The following PPFIA2 variants were observed in gnomAD, a reference collection of about 807,000 sequenced individuals.
PPFIA2 encodes the protein liprin-alpha-2.
A neutral mutation model predicts 175.5 loss-of-function variants in PPFIA2; 46 were observed. The observed-to-expected ratio is 0.26, with a 90% CI of 0.21 to 0.34. PPFIA2 has a LOEUF of 0.34. Ranked by LOEUF, PPFIA2 falls within the 10% of genes least tolerant of loss-of-function variation. The pLI is 1.00. For synonymous variants in PPFIA2, 568 were observed against 511.4 expected (o/e 1.11, Z -1.49); for missense variants, 1,179 against 1,506.1 (o/e 0.78, Z 3.60).
chr12:81,452,268 T>C (rs982877801), intron 5 of PPFIA2, among the ~76,000 whole-genome samples: 1 of 152,222 alleles, frequency 6.6e-6, no homozygotes, highest in South Asian at 2.1e-4. Flanking sequence ...CTATTAGATC[T>C]TAATTCAACA....
At chr12:81,360,062 T>C (rs1055806031) in intron 15 of PPFIA2, among the ~76,000 whole-genome samples, 4 of 151,924 alleles carry the variant, frequency 2.6e-5, no homozygotes, top group Non-Finnish European at 5.9e-5. Context: ...TCAACACATG[T>C]GGTTAACAGT....
At chr12:81,348,788 G>A (rs2059518892) in intron 17 of PPFIA2, among the ~76,000 whole-genome samples, 1 of 152,110 alleles carries the variant, frequency 6.6e-6, no homozygotes, top group South Asian at 2.1e-4. Flanking sequence ...TAGCTAGGTT[G>A]TGTAAAAATC....
intron 9 of PPFIA2, among the ~76,000 whole-genome samples, chr12:81,379,715 A>T (rs1172935907): frequency 6.6e-6 from 1 of 152,184 alleles, no homozygotes; most frequent in Non-Finnish European, 1.5e-5. Flanking sequence ...AATCAATTTA[A>T]GGAGTTTTGT....
chr12:81,621,324 G>T (rs568681564), intron 4 of PPFIA2, among the ~76,000 whole-genome samples: 3 of 152,316 alleles, frequency 2.0e-5, no homozygotes, highest in East Asian at 1.9e-4. Flanking sequence ...GGGAGTAGTA[G>T]GTGGTGAAAG....
intron 27 of PPFIA2, among the ~76,000 whole-genome samples, chr12:81,278,925 T>C (rs560533200): frequency 7.3e-4 from 111 of 152,236 alleles, no homozygotes; most frequent in African/African-American, 2.6e-3. Flanking sequence ...ATAAAAACAA[T>C]GTTGAGTCAA....
At chr12:81,336,471 T>C (rs927965239) in intron 21 of PPFIA2, among the ~76,000 whole-genome samples, 8 of 152,218 alleles carry the variant, frequency 5.3e-5, no homozygotes, top group African/African-American at 1.9e-4. Context: ...GTTATTACCC[T>C]AGCATTTCGA....
intron 14 of PPFIA2, among the ~76,000 whole-genome samples, chr12:81,364,672 G>A (rs2032477459): frequency 6.6e-6 from 1 of 151,840 alleles, no homozygotes. Flanking sequence ...GTTGAATTGG[G>A]AGTCAGAAAA....
At chr12:81,469,567 G>C (rs1294478231) in intron 4 of PPFIA2, among the ~76,000 whole-genome samples, 1 of 152,188 alleles carries the variant, frequency 6.6e-6, no homozygotes, top group Non-Finnish European at 1.5e-5. Flanking sequence ...GGAGCATCAT[G>C]AGCAACTTTC....
intron 4 of PPFIA2, among the ~76,000 whole-genome samples, chr12:81,581,615 A>G (rs2153428479): frequency 6.6e-6 from 1 of 151,754 alleles, no homozygotes; most frequent in Non-Finnish European, 1.5e-5. Flanking sequence ...GCTATTATCT[A>G]TTTTATCCTA....
At chr12:81,376,361 T>A (rs2036356446) in intron 9 of PPFIA2, among the ~76,000 whole-genome samples, 1 of 151,836 alleles carries the variant, frequency 6.6e-6, no homozygotes, top group South Asian at 2.1e-4. Flanking sequence ...ACAAATACCA[T>A]CCGTATTCTT....
At chr12:81,734,515 T>C (rs1231734855) in intron 3 of PPFIA2, among the ~76,000 whole-genome samples, 1 of 151,764 alleles carries the variant, frequency 6.6e-6, no homozygotes, top group African/African-American at 2.4e-5. Flanking sequence ...ATTTTACAAA[T>C]GTAATTCTAT....
chr12:81,669,123 T>C (rs912107241), intron 4 of PPFIA2, among the ~76,000 whole-genome samples: 3 of 152,026 alleles, frequency 2.0e-5, no homozygotes, highest in Non-Finnish European at 2.9e-5. Context: ...TCTACTGTTA[T>C]TTCTTCCAGT....
chr12:81,325,305 A>G lies in PPFIA2; in HGVS notation c.2642+472T>C, dbSNP rs535061311. Among the ~76,000 whole-genome samples the G allele has an allele frequency of 8.5e-5, 13 of 152,174 alleles. No homozygotes were observed. The East Asian group carries it at 2.1e-3, about 25-fold the overall frequency. On this transcript the variant is annotated intron_variant, in intron 22 of 32. Coordinates refer to ENST00000549396, the MANE Select transcript of PPFIA2 (RefSeq NM_003625.5). ...ATATTATATATGAATGAAAAGATACACTATCAATTTCCTGACAGATGCAAA... is the reference window on the plus strand; with the variant it reads ...ATATTATATATGAATGAAAAGATACGCTATCAATTTCCTGACAGATGCAAA...
At chr12:81,663,756 G>C (rs1394720596) in intron 4 of PPFIA2, among the ~76,000 whole-genome samples, 18 of 152,262 alleles carry the variant, frequency 1.2e-4, no homozygotes, top group Non-Finnish European at 2.5e-4. Flanking sequence ...AAAGAACAAA[G>C]CTGGAGGCAT....
In PPFIA2 at chr12:81,290,215, A is replaced by G. The variant is rs150409496; in HGVS notation, c.2925+4620T>C. On this transcript the variant is annotated intron_variant, in intron 24 of 32. Coordinates refer to ENST00000549396, the MANE Select transcript of PPFIA2 (RefSeq NM_003625.5). ...GTGCAAAATAACTTGTATAATCTAA[A>G]CAAACTGTAGTGTTCTTGAAGACAT... 1.7e-3 allele frequency among the ~76,000 whole-genome samples: 254 copies of G among 151,350 alleles called. 4 individuals are homozygous for G. The highest frequency in any genetic ancestry group is 5.9e-3 in the African/African-American group (244 of 41,424).
chr12:81,433,841 A>G (rs1396884327), intron 7 of PPFIA2, among the ~76,000 whole-genome samples: 2 of 152,186 alleles, frequency 1.3e-5, no homozygotes, highest in African/African-American at 4.8e-5. Flanking sequence ...AGGCTTACAC[A>G]AGTATAAAAT....
chr12:81,654,575 T>C (rs571413669), intron 4 of PPFIA2, among the ~76,000 whole-genome samples: 2 of 152,188 alleles, frequency 1.3e-5, no homozygotes, highest in East Asian at 3.9e-4. Context: ...CCCAACTATC[T>C]CCTGAGGTCA....
chr12:81,285,378 C>T (rs537944149), intron 24 of PPFIA2, among the ~76,000 whole-genome samples: 2 of 152,108 alleles, frequency 1.3e-5, no homozygotes, highest in Non-Finnish European at 2.9e-5. Flanking sequence ...TACAAGTCAT[C>T]ACCATAATTC....
chr12:81,538,601 A>G (rs144830064), intron 4 of PPFIA2, among the ~76,000 whole-genome samples: 1 of 152,078 alleles, frequency 6.6e-6, no homozygotes, highest in Non-Finnish European at 1.5e-5. Flanking sequence ...TGCTATTTCA[A>G]CAAAGACTTG....
Sources: gnomAD v4.1 joint callset for allele counts (sites outside exome capture counted in the v4.1 genomes callset) on GRCh38, gnomAD v4.1.1 for gene constraint, MANE v1.5 for transcripts, NCBI Gene and HGNC (gene_info 2026-07-23, HGNC 2026-07-21) for gene names.